TTC21A: variants seen among roughly 807,000 people sequenced by gnomAD.
TTC21A encodes tetratricopeptide repeat protein 21A.
Under a neutral mutation model 156.4 loss-of-function variants are expected in TTC21A, and 128 were observed. That is an observed-to-expected ratio of 0.82 (90% CI 0.71 to 0.95). TTC21A has a LOEUF of 0.95. Ranked by LOEUF, TTC21A falls within the 40% of genes least tolerant of loss-of-function variation. The pLI, the probability that TTC21A is intolerant of heterozygous loss-of-function variation, is 0.00. For missense variants in TTC21A, 1,435 were observed against 1,602.3 expected (o/e 0.90, Z 1.78); for synonymous variants, 587 against 617.1 (o/e 0.95, Z 0.72).
chr3:39,134,741 C>T lies in TTC21A; in HGVS notation c.2863-352C>T. On this transcript the variant is annotated intron_variant, in intron 21 of 28. Coordinates refer to ENST00000683103, the MANE Select transcript of TTC21A (RefSeq NM_001366900.1). This position sits in a 1 kb window ranked among gnomAD's most constrained non-coding sequence, Gnocchi z 4.6. ...GAGCCCTTGCAGAGCAAGGAGGGGT[C>T]CTCATCCCTACCTCTATTGCCTGGC... 2.1e-6 allele frequency: 1 copy of T among 482,274 alleles called. No homozygotes were observed. The highest frequency in any genetic ancestry group is 3.8e-6 in the Non-Finnish European group (1 of 263,164). 29.9% of individuals were successfully genotyped at this position (482,274 alleles called of 1,614,324 possible). A position where few individuals can be genotyped will look rare whatever the true frequency, so the allele number is the denominator to read the frequency against.
intron 7 of TTC21A, chr3:39,118,913 G>A (rs767769040): frequency 2.6e-5 from 4 of 152,222 alleles, no homozygotes; most frequent in Non-Finnish European, 4.4e-5. Flanking sequence ...TGAGATTGTG[G>A]ATTTTGTGGG....
chr3:39,125,156 C>A lies in TTC21A; in HGVS notation c.1187C>A (p.Ser396Tyr). 1 of 1,612,704 alleles carries A rather than the reference C, an allele frequency of 6.2e-7. No individual in the cohort carries two copies. Among genetic ancestry groups the A allele is most frequent in the South Asian group, 1.1e-5 (1 of 91,034 alleles). Residue 396 changes from serine to tyrosine, a missense_variant, in exon 10 of 29, where the codon TCT (serine) becomes TAT (tyrosine). By Grantham distance (144) the Ser-to-Tyr change is moderately radical. Coordinates refer to ENST00000683103, the MANE Select transcript of TTC21A (RefSeq NM_001366900.1). ...GAGGTGCAGAAGTCCCTTGGGAAGT[C>A]TGAGGTCAGAGCTCCCTGGGGGTAT... ...LKEVQKSLGK[S>Y]EVLIFLQALL...
chr3:39,107,843 C>T lies in TTC21A; in HGVS notation c.6C>T (p.Ser2=), dbSNP rs1488356709. Reference sequence around the variant, plus strand: ...GGAGCCGCGAGCGGCCCGAGATGAGCAGCAATGACTCCTCCCTTATGGTGC... The same window carrying T: ...GGAGCCGCGAGCGGCCCGAGATGAGTAGCAATGACTCCTCCCTTATGGTGC... M[S]SNDSSLMAGI... is the part of the protein sequence containing the mutation. Residue 2 remains serine (S), a synonymous_variant, in exon 1 of 29, where the codon AGC becomes AGT. Transcript: ENST00000683103. 2 of 1,613,074 alleles carry T rather than the reference C, an allele frequency of 1.2e-6. No homozygotes were observed. The highest frequency in any genetic ancestry group is 1.7e-6 in the Non-Finnish European group (2 of 1,180,002).
chr3:39,113,860 C>T (rs2037042016), intron 5 of TTC21A, among the ~76,000 whole-genome samples: 1 of 152,220 alleles, frequency 6.6e-6, no homozygotes, highest in South Asian at 2.1e-4. Context: ...CTTCAATGAA[C>T]ACATTTATGC....
At chr3:39,135,947 C>T (rs1382501223) in intron 22 of TTC21A, among the ~76,000 whole-genome samples, 2 of 151,046 alleles carry the variant, frequency 1.3e-5, no homozygotes, top group Non-Finnish European at 2.9e-5. Flanking sequence ...CCCAGCTACT[C>T]GGGGGTGGGC....
rs76476554 is a variant in TTC21A, at chr3:39,119,724, C to A, written c.802-198C>A. On this transcript the variant is annotated intron_variant, in intron 7 of 28. Transcript: ENST00000683103. ...GGGTGAATAATGTCCCCAGGAGTTC[C>A]ACTTATAGGCCTTTGAAGTAATTCT... 558 of 479,610 alleles carry A rather than the reference C, an allele frequency of 1.2e-3. 10 individuals are homozygous for A. The East Asian group carries it at 0.019, about 16-fold the overall frequency. The allele number at this position is 479,610 out of a possible 1,614,324, so 29.7% of individuals were successfully genotyped here.
chr3:39,112,709 G>T, intron 5 of TTC21A, 129 bp downstream of exon 5: 2 of 1,419,420 alleles, frequency 1.4e-6, no homozygotes, highest in Non-Finnish European at 1.9e-6. Flanking sequence ...AAGAGCAGAG[G>T]CCCAGAGAGG....
At chr3:39,137,453 C>A in intron 25 of TTC21A, 33 bp from the exon 26 acceptor site, 1 of 1,612,168 alleles carries the variant, frequency 6.2e-7, no homozygotes, top group Middle Eastern at 1.7e-4. Flanking sequence ...GCGGCCAACA[C>A]GTGCTGACGT....
Position 39,112,512 on chromosome 3 carries a change from A to C in TTC21A, c.490A>C (p.Lys164Gln), listed in dbSNP as rs758511954. ...GACCTCAGACAAGCCCCACACTGCG[A>C]AGAAAGCCATTGAGTACCTGGAACA... ...DLTSDKPHTA[K>Q]KAIEYLEQGI... Residue 164 changes from lysine to glutamine, a missense_variant, in exon 5 of 29, where the codon AAG (lysine) becomes CAG (glutamine). By Grantham distance (53) the Lys-to-Gln change is moderately conservative. Coordinates refer to ENST00000683103, the MANE Select transcript of TTC21A (RefSeq NM_001366900.1). 1.9e-6 allele frequency: 3 copies of C among 1,614,190 alleles called. No individual in the cohort carries two copies. The highest frequency in any genetic ancestry group is 2.5e-6 in the Non-Finnish European group (3 of 1,180,034).
Position 39,136,516 on chromosome 3 carries a change from G to A in TTC21A, c.3095+9G>A, listed in dbSNP as rs1394769392. 6.2e-7 allele frequency: 1 copy of A among 1,613,520 alleles called. No individual in the cohort carries two copies. Among genetic ancestry groups the A allele is most frequent in the African/African-American group, 1.3e-5 (1 of 74,928 alleles). ...AGAGGTATCTACTGCTGGTGAGTTG[G>A]GTGTGGTGTGTTGAGGGGCAGCTGT... On this transcript the variant is annotated intron_variant, in intron 23 of 28. Coordinates refer to ENST00000683103, the MANE Select transcript of TTC21A (RefSeq NM_001366900.1).
Position 39,125,395 on chromosome 3 carries a change from G to A in TTC21A, c.1255G>A (p.Ala419Thr). 6.2e-7 allele frequency: 1 copy of A among 1,614,226 alleles called. No homozygotes were observed. The highest frequency in any genetic ancestry group is 8.5e-7 in the Non-Finnish European group (1 of 1,180,040). Residue 419 changes from alanine (A) to threonine (T), a missense_variant, in exon 11 of 29, where the codon GCG (alanine) becomes ACG (threonine). Coordinates refer to ENST00000683103, the MANE Select transcript of TTC21A (RefSeq NM_001366900.1). ...RKHKGEEETT[A>T]LLKEAVELHF... ...GCACAAGGGGGAGGAAGAGACCACA[G>A]CGCTCCTGAAGGAGGCAGTGGAGCT...
In TTC21A at chr3:39,114,816, G is replaced by A. The variant is rs1382814890; in HGVS notation, c.716+74G>A. The A allele has an allele frequency of 4.0e-5, 62 of 1,553,274 alleles. 1 individual carries two copies. Among genetic ancestry groups the A allele is most frequent in the Non-Finnish European group, 4.9e-5 (56 of 1,131,558 alleles). On this transcript the variant is annotated intron_variant, in intron 6 of 28. Transcript: ENST00000683103. ...CATCTTATAAGCTGGGGAGGCAGGA[G>A]AACAAGACAGAAAGGTAAATATCGC...
chr3:39,117,494 A>G (rs2037392785), intron 6 of TTC21A, among the ~76,000 whole-genome samples: 2 of 152,218 alleles, frequency 1.3e-5, no homozygotes, highest in African/African-American at 4.8e-5. Context: ...TTCCTTTTCC[A>G]TCTTACAGTG....
intron 7 of TTC21A, chr3:39,119,441 T>A (rs1239609039): frequency 6.6e-6 from 1 of 152,488 alleles, no homozygotes; most frequent in African/African-American, 2.4e-5. Flanking sequence ...TACATTTGAT[T>A]CATGTCAAAA....
chr3:39,109,247 C>T (rs2036573075), intron 2 of TTC21A, 33 bp downstream of exon 2: 1 of 1,598,806 alleles, frequency 6.3e-7, no homozygotes, highest in Non-Finnish European at 8.6e-7. Context: ...CTTGTGACCC[C>T]AGGCACTAGC....
At chr3:39,124,516 C>T (rs749347199) in intron 9 of TTC21A, among the ~76,000 whole-genome samples, 17 of 151,764 alleles carry the variant, frequency 1.1e-4, no homozygotes, top group African/African-American at 1.7e-4. Flanking sequence ...AAAAATTAGC[C>T]GGGCGTGGTG....
At chr3:39,109,562 G>A (rs1357972209) in intron 2 of TTC21A, among the ~76,000 whole-genome samples, 1 of 152,180 alleles carries the variant, frequency 6.6e-6, no homozygotes, top group Non-Finnish European at 1.5e-5. Flanking sequence ...GAGGACAGGT[G>A]GGTATGGTAC....
At position 39,121,750 on chromosome 3, in the gene TTC21A, G is replaced by T. The variant is rs2037788114; in HGVS notation, c.1093+561G>T. Among the ~76,000 whole-genome samples, 4 of 152,194 alleles carry T rather than the reference G, an allele frequency of 2.6e-5. No individual in the cohort carries two copies. The South Asian group carries it at 8.3e-4, about 31-fold the overall frequency. ...AGCCCCCTATTCCATGGTCTGTGGTGAACTCTGAAGTGGCAGTATTTGGTT... is the reference window on the plus strand; with the variant it reads ...AGCCCCCTATTCCATGGTCTGTGGTTAACTCTGAAGTGGCAGTATTTGGTT... On this transcript the variant is annotated intron_variant, in intron 9 of 28. Transcript: ENST00000683103.
chr3:39,112,457 G>A lies in TTC21A; in HGVS notation c.436-1G>A. On this transcript the variant is annotated splice_acceptor_variant, in intron 4 of 28. Coordinates refer to ENST00000683103, the MANE Select transcript of TTC21A (RefSeq NM_001366900.1). LOFTEE classifies it high-confidence loss of function. ...CATCTTTCATCTTGTTCTCATCCCA[G>A]GCCTATGTGCTCAGAGGCTGGGTGG... The A allele has an allele frequency of 1.2e-6, 2 of 1,614,076 alleles. No individual in the cohort carries two copies. Among genetic ancestry groups the A allele is most frequent in the Non-Finnish European group, 1.7e-6 (2 of 1,179,974 alleles).
Sources: gnomAD v4.1 joint callset for allele counts (sites outside exome capture counted in the v4.1 genomes callset) on GRCh38, gnomAD v4.1.1 for gene constraint, Gnocchi (gnomAD v3.1) non-coding constraint, MANE v1.5 for transcripts, NCBI Gene and HGNC (gene_info 2026-07-23, HGNC 2026-07-21) for gene names.